Variants in ELOVL5 observed in about 807,000 individuals in gnomAD.
ELOVL5 encodes the protein ELOVL fatty acid elongase 5, also known as very long chain fatty acid elongase 5.
Under a neutral mutation model 38.6 loss-of-function variants are expected in ELOVL5, and 8 were observed. The observed-to-expected ratio is 0.21, with a 90% CI of 0.12 to 0.37. ELOVL5 has a LOEUF of 0.37. ELOVL5 is among the 10% of genes least tolerant of loss of function. The pLI, the probability that ELOVL5 is intolerant of heterozygous loss-of-function variation, is 1.00. For missense variants in ELOVL5, 280 were observed against 367.8 expected (o/e 0.76, Z 1.95); for synonymous variants, 127 against 133.7 (o/e 0.95, Z 0.34).
At chr6:53,293,254 G>A (rs2294853) in intron 2 of ELOVL5, among the ~76,000 whole-genome samples, 9,472 of 152,178 alleles carry the variant, frequency 0.062, 593 homozygotes, top group Admixed American at 0.22. Context: ...TTCACCTACT[G>A]CGTCTTCAGA....
chr6:53,271,536 G>A (rs1035446222), intron 6 of ELOVL5, among the ~76,000 whole-genome samples: 9 of 151,810 alleles, frequency 5.9e-5, no homozygotes, highest in African/African-American at 2.2e-4. Context: ...GTGACAGAGC[G>A]AGACTCCAGC....
Position 53,342,874 on chromosome 6 carries a change from T to C in ELOVL5, c.-9+5943A>G, listed in dbSNP as rs573322861. On this transcript the variant is annotated intron_variant, in intron 1 of 7. Coordinates refer to ENST00000304434, the MANE Select transcript of ELOVL5 (RefSeq NM_021814.5). ...GCAGAAGAGGATGGAGGAGCAAGAGTGGGAATTTAGTCTTTCTAAAAGGTC... is the reference window on the plus strand; with the variant it reads ...GCAGAAGAGGATGGAGGAGCAAGAGCGGGAATTTAGTCTTTCTAAAAGGTC... Among the ~76,000 whole-genome samples the C allele has an allele frequency of 2.0e-5, 3 of 151,948 alleles. 1 individual carries two copies. The highest frequency in any genetic ancestry group is 4.4e-5 in the Non-Finnish European group (3 of 67,970).
chr6:53,348,711 A>G (rs1769694494), intron 1 of ELOVL5, 106 bp downstream of exon 1: 1 of 414,872 alleles, frequency 2.4e-6, no homozygotes, highest in African/African-American at 2.1e-5. Flanking sequence ...ACCAGGTCCG[A>G]GACCTAACGG....
At chr6:53,325,833 C>T (rs774084318) in intron 1 of ELOVL5, among the ~76,000 whole-genome samples, 1 of 152,234 alleles carries the variant, frequency 6.6e-6, no homozygotes, top group Non-Finnish European at 1.5e-5. Context: ...CTTTATTAAG[C>T]AGCCATGTTA....
At chr6:53,287,091 A>G (rs1270961461) in intron 3 of ELOVL5, among the ~76,000 whole-genome samples, 1 of 152,218 alleles carries the variant, frequency 6.6e-6, no homozygotes, top group Non-Finnish European at 1.5e-5. Flanking sequence ...GGGAAGAAAG[A>G]TAAGTTTGGA....
chr6:53,322,357 C>A (rs142881830), intron 1 of ELOVL5, among the ~76,000 whole-genome samples: 2,884 of 152,188 alleles, frequency 0.019, 52 homozygotes, highest in Non-Finnish European at 0.031. Flanking sequence ...AGAAGACAGG[C>A]TATTTTTGCT....
chr6:53,282,394 C>A (rs1766394496), intron 3 of ELOVL5, among the ~76,000 whole-genome samples: 1 of 152,216 alleles, frequency 6.6e-6, no homozygotes, highest in Non-Finnish European at 1.5e-5. Flanking sequence ...AGGAGTGAGG[C>A]CTGGCTCTGG....
Position 53,270,618 on chromosome 6 carries a change from G to A in ELOVL5, c.731C>T (p.Ala244Val). Reference sequence around the variant, plus strand: ...CTGAATGTAGAAGTTTGTGAAGAGAGCAATCAGGGAAATCATGTATCCAAT... The same window carrying A: ...CTGAATGTAGAAGTTTGTGAAGAGAACAATCAGGGAAATCATGTATCCAAT... Reference protein sequence around the residue: ...FQIGYMISLIALFTNFYIQTY... With the variant: ...FQIGYMISLIVLFTNFYIQTY... Residue 244 changes from alanine (A) to valine (V), a missense_variant, in exon 7 of 8, where the codon GCT becomes GTT. By Grantham distance (64) the Ala-to-Val change is moderately conservative (BLOSUM62 0). Coordinates refer to ENST00000304434, the MANE Select transcript of ELOVL5 (RefSeq NM_021814.5). 6.2e-7 allele frequency: 1 copy of A among 1,614,172 alleles called. No individual in the cohort carries two copies. The highest frequency in any genetic ancestry group is 8.5e-7 in the Non-Finnish European group (1 of 1,180,008).
intron 1 of ELOVL5, among the ~76,000 whole-genome samples, chr6:53,325,627 C>A (rs1768510196): frequency 1.3e-5 from 2 of 152,082 alleles, no homozygotes; most frequent in Admixed American, 1.3e-4. Context: ...AGGCTTGGGA[C>A]AAAGGGAGAG....
chr6:53,348,519 G>A (rs1056576194), intron 1 of ELOVL5, among the ~76,000 whole-genome samples: 1 of 152,204 alleles, frequency 6.6e-6, no homozygotes, highest in Admixed American at 6.5e-5. Context: ...AGCGCGCACA[G>A]GTGGGACCGC....
chr6:53,273,993 G>A (rs1167813399), intron 5 of ELOVL5, among the ~76,000 whole-genome samples: 1 of 152,154 alleles, frequency 6.6e-6, no homozygotes, highest in Non-Finnish European at 1.5e-5. Context: ...GCTTTTCCCT[G>A]TGCAGTTGCA....
At chr6:53,344,899 T>G (rs1478623247) in intron 1 of ELOVL5, among the ~76,000 whole-genome samples, 2 of 152,182 alleles carry the variant, frequency 1.3e-5, no homozygotes, top group Non-Finnish European at 1.5e-5. Context: ...CTTTACAAAA[T>G]GTAAGGCTAA....
chr6:53,305,364 GGCCTGGCGGGGGCTGACCCCCCC>G (rs1767465667), intron 1 of ELOVL5, among the ~76,000 whole-genome samples: 1 of 106,088 alleles, frequency 9.4e-6, no homozygotes, highest in East Asian at 2.5e-4. Flanking sequence ...CGGGGCGGCT[GGCCTGGCGGGGGCTGACCCCCCC>G]CCACCTCCCT....
At chr6:53,270,999 A>G (rs1306583406) in intron 6 of ELOVL5, among the ~76,000 whole-genome samples, 1 of 152,150 alleles carries the variant, frequency 6.6e-6, no homozygotes, top group African/African-American at 2.4e-5. Flanking sequence ...GACATCCAAG[A>G]CTTTTTGTTT....
intron 1 of ELOVL5, among the ~76,000 whole-genome samples, chr6:53,323,614 C>CT (rs1428261538): frequency 1.5e-5 from 1 of 68,664 alleles, no homozygotes; most frequent in Non-Finnish European, 2.5e-5. Context: ...CGGAGTTTTG[C>CT]TCTTGTTGCC....
intron 1 of ELOVL5, among the ~76,000 whole-genome samples, chr6:53,322,928 C>T (rs934056839): frequency 6.6e-6 from 1 of 152,268 alleles, no homozygotes. Flanking sequence ...AGGATCATAA[C>T]ACCATTAAAA....
At chr6:53,273,194 C>T (rs1561862021) in intron 6 of ELOVL5, 26 bp downstream of exon 6, 1 of 1,612,628 alleles carries the variant, frequency 6.2e-7, no homozygotes, top group Non-Finnish European at 8.5e-7. Flanking sequence ...GAAGTAAGTC[C>T]TGGGGAAAGA....
intron 1 of ELOVL5, among the ~76,000 whole-genome samples, chr6:53,324,636 C>G (rs1768443398): frequency 7.2e-6 from 1 of 138,046 alleles, no homozygotes; most frequent in Non-Finnish European, 1.5e-5. Flanking sequence ...GATGGCACCA[C>G]TGCATTCCAG....
intron 3 of ELOVL5, among the ~76,000 whole-genome samples, chr6:53,281,567 T>C (rs1387383277): frequency 6.6e-6 from 1 of 152,216 alleles, no homozygotes. Flanking sequence ...GTAGGGATAC[T>C]CTGTCCATGA....
Sources: gnomAD v4.1 joint callset for allele counts (sites outside exome capture counted in the v4.1 genomes callset) on GRCh38, gnomAD v4.1.1 for gene constraint, MANE v1.5 for transcripts, NCBI Gene and HGNC (gene_info 2026-07-23, HGNC 2026-07-21) for gene names.